IGF2: variants seen among roughly 807,000 people sequenced by gnomAD.
IGF2 encodes the protein insulin like growth factor 2.
A neutral mutation model predicts 12.0 loss-of-function variants in IGF2; 2 were observed. The ratio of observed to expected loss-of-function variants is 0.17; its 90% CI spans 0.07 to 0.52. IGF2 has a LOEUF of 0.52. Among genes scored for constraint, IGF2 ranks in the 20% least tolerant of loss-of-function variants. The probability of loss-of-function intolerance (pLI) is 0.95; values close to 1 mark genes in which losing one functional copy is unlikely to be tolerated. For synonymous variants in IGF2, 105 were observed against 110.1 expected (o/e 0.95, Z 0.29); for missense variants, 211 against 268.0 (o/e 0.79, Z 1.48).
upstream of IGF2, among the ~76,000 whole-genome samples, chr11:2,141,840 A>T (rs371960428): frequency 2.6e-5 from 4 of 152,224 alleles, no homozygotes; most frequent in Non-Finnish European, 4.4e-5. Context: ...AATAAAAAAT[A>T]AAAAAATAAA....
intron 1 of IGF2, 133 bp downstream of exon 1, chr11:2,138,096 C>T (rs1367513568): frequency 5.1e-6 from 2 of 395,736 alleles, no homozygotes; most frequent in African/African-American, 2.2e-5. Flanking sequence ...CCTCCTCCTC[C>T]CCCCCGGGCT....
rs972217226 is a variant in IGF2, at chr11:2,131,284, G to C, written c.*1703C>G. 4.3e-6 allele frequency: 1 copy of C among 233,420 alleles called. No individual in the cohort carries two copies. Among genetic ancestry groups the C allele is most frequent in the Non-Finnish European group, 8.5e-6 (1 of 118,108 alleles). The allele number at this position is 233,420 out of a possible 1,614,324, so 14.5% of individuals were successfully genotyped here. ...TGAGAGGCAGGGCACAGACAGGGCC[G>C]AGGGGCAGTGGAGATGGGAACAGGA... is the stretch of plus-strand genomic sequence containing the variant. On this transcript the variant is annotated 3_prime_UTR_variant, in exon 4 of 4. Coordinates refer to ENST00000416167, the MANE Select transcript of IGF2 (RefSeq NM_000612.6).
upstream of IGF2, chr11:2,140,243 C>T: frequency 6.2e-7 from 1 of 1,613,150 alleles, no homozygotes; most frequent in Non-Finnish European, 8.5e-7. Flanking sequence ...CTTGCATAGA[C>T]GCGAGTTCGG....
intron 1 of IGF2, among the ~76,000 whole-genome samples, chr11:2,136,767 G>T (rs1189453051): frequency 6.6e-6 from 1 of 152,156 alleles, no homozygotes; most frequent in South Asian, 2.1e-4. Context: ...TCCTCTCACC[G>T]CCCCCTCTGC....
intron 2 of IGF2, chr11:2,134,262 TG>T: frequency 2.4e-6 from 1 of 416,978 alleles, no homozygotes; most frequent in South Asian, 1.8e-5. Flanking sequence ...GGCTCCACCT[TG>T]GGGTGCCAAA....
At chr11:2,135,931 C>T (rs551460858) in intron 1 of IGF2, among the ~76,000 whole-genome samples, 37 of 152,300 alleles carry the variant, frequency 2.4e-4, no homozygotes. Context: ...AGCGTCACAT[C>T]GCCACTTCTC....
chr11:2,134,926 A>G (rs1259816474), intron 2 of IGF2, among the ~76,000 whole-genome samples: 1 of 152,258 alleles, frequency 6.6e-6, no homozygotes, highest in Non-Finnish European at 1.5e-5. Context: ...TTTTAATTAT[A>G]TAAATCACTT....
chr11:2,139,956 C>A (rs918104073), upstream of IGF2, among the ~76,000 whole-genome samples: 5 of 152,136 alleles, frequency 3.3e-5, no homozygotes, highest in Admixed American at 1.3e-4. Flanking sequence ...GCGCTTGGAG[C>A]CTCAGCCAGA....
At chr11:2,146,162 C>T (rs1859924497), upstream of IGF2, 2 of 498,416 alleles carry the variant, frequency 4.0e-6, no homozygotes, top group African/African-American at 3.9e-5. Flanking sequence ...TGGCCCATGC[C>T]CCAGCCTCGG....
upstream of IGF2, among the ~76,000 whole-genome samples, chr11:2,143,460 G>A (rs960185124): frequency 3.3e-5 from 5 of 152,138 alleles, no homozygotes; most frequent in Non-Finnish European, 7.3e-5. Context: ...CACTTGTTTT[G>A]GAAACAATGC....
chr11:2,134,314 T>A, intron 2 of IGF2: 2 of 360,498 alleles, frequency 5.5e-6, no homozygotes, highest in Non-Finnish European at 1.1e-5. Flanking sequence ...AGGAGCCCCA[T>A]CACGGGGGTC....
chr11:2,133,500 G>A lies in IGF2; in HGVS notation c.306+17C>T, dbSNP rs994563772. On this transcript the variant is annotated intron_variant, in intron 3 of 3. Coordinates refer to ENST00000416167, the MANE Select transcript of IGF2 (RefSeq NM_000612.6). This position sits in a 1 kb window ranked among gnomAD's most constrained non-coding sequence, Gnocchi z 8.9. ...TCTCTGTCTCTAGAGAGTGGGAAAG[G>A]GGCCCAGGACCCTCACCGGAAGCAC... 2 of 1,603,672 alleles carry A rather than the reference G, an allele frequency of 1.2e-6. No individual in the cohort carries two copies. Among genetic ancestry groups the A allele is most frequent in the Admixed American group, 1.7e-5 (1 of 58,098 alleles).
chr11:2,133,563 G>T lies in IGF2; in HGVS notation c.260C>A (p.Pro87His), dbSNP rs1290256492. 6.2e-7 allele frequency: 1 copy of T among 1,613,068 alleles called. No homozygotes were observed. The highest frequency in any genetic ancestry group is 2.2e-5 in the East Asian group (1 of 44,868). The change falls in exon 3 of 4, where the codon CCC becomes CAC. Residue 87 changes from proline (P) to histidine (H), a missense_variant. Coordinates refer to ENST00000416167, the MANE Select transcript of IGF2 (RefSeq NM_000612.6). This position sits in a 1 kb window ranked among gnomAD's most constrained non-coding sequence, Gnocchi z 8.9. ...LALLETYCAT[P>H]AKSERDVSTP... ...CGACACGTCCCTCTCGGACTTGGCGGGGGTAGCACAGTACGTCTCCAGGAG... is the reference window on the plus strand; with the variant it reads ...CGACACGTCCCTCTCGGACTTGGCGTGGGTAGCACAGTACGTCTCCAGGAG...
rs965708290 is a variant in IGF2 at position 2,129,355 on chromosome 11, G to A, written c.*3632C>T. The stretch of plus-strand genomic sequence containing the variant: ...CCCCCACTGAAGACATTGGGGACAC[G>A]GGGAGGAGACAAGATGGAGAGCCAC... On this transcript the variant is annotated 3_prime_UTR_variant, in exon 4 of 4. Transcript: ENST00000416167. The surrounding 1 kb of genome is among the most constrained non-coding windows in gnomAD (Gnocchi z 8.1). The A allele has an allele frequency of 8.9e-5, 20 of 224,834 alleles. No individual in the cohort carries two copies. Among genetic ancestry groups the A allele is most frequent in the East Asian group, 5.1e-4 (8 of 15,692 alleles). 13.9% of individuals were successfully genotyped at this position (224,834 alleles called of 1,614,324 possible).
In IGF2 at chr11:2,133,280, G is replaced by T; in HGVS notation, c.307-57C>A. ...CTGCTCTCCACGCTCTTCCGCCTGA[G>T]CCGCCCGCCTGACCTGACAGGCCAC... On this transcript the variant is annotated intron_variant, in intron 3 of 3. Transcript: ENST00000416167. The surrounding 1 kb of genome is among the most constrained non-coding windows in gnomAD (Gnocchi z 8.9). The T allele has an allele frequency of 7.8e-7, 1 of 1,279,052 alleles. No homozygotes were observed. The highest frequency in any genetic ancestry group is 1.1e-6 in the Non-Finnish European group (1 of 928,034). The allele number at this position is 1,279,052 out of a possible 1,614,324, so 79.2% of individuals were successfully genotyped here.
chr11:2,144,862 A>C (rs1455684632), upstream of IGF2, among the ~76,000 whole-genome samples: 1 of 152,020 alleles, frequency 6.6e-6, no homozygotes, highest in Non-Finnish European at 1.5e-5. Flanking sequence ...GCTTGTCCCC[A>C]TTGTCACCCC....
Position 2,129,549 on chromosome 11 carries a change from A to C in IGF2, c.*3438T>G, listed in dbSNP as rs572893695. The C allele has an allele frequency of 4.4e-6, 1 of 227,772 alleles. No individual in the cohort carries two copies. The highest frequency in any genetic ancestry group is 8.7e-6 in the Non-Finnish European group (1 of 114,482). The allele number at this position is 227,772 out of a possible 1,614,324, so 14.1% of individuals were successfully genotyped here. ...TGGGTGGGTGTCCTGACGAATGGGC[A>C]GGTAATTTGGGGTGCCTCGAAGCGT... is the stretch of plus-strand genomic sequence containing the variant. On this transcript the variant is annotated 3_prime_UTR_variant, in exon 4 of 4. Transcript: ENST00000416167. The surrounding 1 kb of genome is among the most constrained non-coding windows in gnomAD (Gnocchi z 8.1).
intron 2 of IGF2, among the ~76,000 whole-genome samples, chr11:2,134,983 G>A (rs734351): frequency 0.64 from 98,081 of 152,170 alleles, 32,463 homozygotes; most frequent in African/African-American, 0.76. Context: ...TCCCTTGTCA[G>A]AATGTCCAAA....
chr11:2,146,370 G>GGC, the IGF2 span: 2 of 535,194 alleles, frequency 3.7e-6, no homozygotes, highest in Non-Finnish European at 7.7e-6. Flanking sequence ...CCGCAGACGA[G>GGC]GCGCTGACCT....
Sources: gnomAD v4.1 joint callset for allele counts (sites outside exome capture counted in the v4.1 genomes callset) on GRCh38, gnomAD v4.1.1 for gene constraint, Gnocchi (gnomAD v3.1) non-coding constraint, MANE v1.5 for transcripts, NCBI Gene and HGNC (gene_info 2026-07-23, HGNC 2026-07-21) for gene names.